Variants in ZBTB20 observed in about 807,000 individuals in gnomAD.
ZBTB20 encodes zinc finger and BTB domain containing 20.
In ZBTB20, 9 loss-of-function variants were observed where a neutral mutation model predicts 56.9. That is an observed-to-expected ratio of 0.16 (90% CI 0.10 to 0.28). The LOEUF (loss-of-function observed/expected upper bound fraction) is 0.28. Ranked by LOEUF, ZBTB20 falls within the 10% of genes least tolerant of loss-of-function variation. ZBTB20 has a pLI of 1.00. For synonymous variants in ZBTB20, 417 were observed against 420.7 expected (o/e 0.99, Z 0.11); for missense variants, 655 against 1,003.0 (o/e 0.65, Z 4.69).
chr3:114,505,589 C>T (rs1261240275), intron 6 of ZBTB20, among the ~76,000 whole-genome samples: 1 of 152,124 alleles, frequency 6.6e-6, no homozygotes, highest in African/African-American at 2.4e-5. Context: ...ACTACTCTGT[C>T]TAAAAGTTAG....
intron 3 of ZBTB20, among the ~76,000 whole-genome samples, chr3:114,961,209 T>A (rs1020088871): frequency 1.3e-5 from 2 of 151,816 alleles, no homozygotes; most frequent in African/African-American, 4.8e-5. Context: ...TACTCGTTTT[T>A]TTTTTTTAAC....
chr3:114,928,443 C>T (rs2107792423), intron 3 of ZBTB20, among the ~76,000 whole-genome samples: 1 of 151,906 alleles, frequency 6.6e-6, no homozygotes, highest in South Asian at 2.1e-4. Flanking sequence ...CCTCAAGGTT[C>T]TTCAATGATG....
At chr3:115,108,059 C>T (rs961446098) in intron 1 of ZBTB20, among the ~76,000 whole-genome samples, 8 of 151,382 alleles carry the variant, frequency 5.3e-5, no homozygotes, top group African/African-American at 1.5e-4. Context: ...ACCTAGATGA[C>T]GGGTTGATAG....
chr3:114,668,378 T>G (rs2061175423), intron 6 of ZBTB20, among the ~76,000 whole-genome samples: 1 of 152,004 alleles, frequency 6.6e-6, no homozygotes, highest in Admixed American at 6.6e-5. Flanking sequence ...GATTAGTGGG[T>G]TTCATACTGT....
chr3:115,034,862 G>T (rs886874800), intron 2 of ZBTB20, among the ~76,000 whole-genome samples: 3 of 151,900 alleles, frequency 2.0e-5, no homozygotes, highest in Non-Finnish European at 4.4e-5. Context: ...CACGGTACTG[G>T]CGTAAAGACA....
At chr3:114,411,983 G>A (rs1038676883) in intron 7 of ZBTB20, among the ~76,000 whole-genome samples, 4 of 152,098 alleles carry the variant, frequency 2.6e-5, no homozygotes, top group Non-Finnish European at 4.4e-5. Flanking sequence ...ATTAAAAGGC[G>A]AAGTCTGCAG....
intron 5 of ZBTB20, among the ~76,000 whole-genome samples, chr3:114,731,493 A>G (rs1250822100): frequency 1.3e-5 from 2 of 152,168 alleles, no homozygotes; most frequent in Admixed American, 6.5e-5. Context: ...GTCATCTGCA[A>G]ATCTAATGAA....
intron 3 of ZBTB20, among the ~76,000 whole-genome samples, chr3:114,932,205 C>A (rs1306450440): frequency 6.6e-6 from 1 of 152,192 alleles, no homozygotes; most frequent in Non-Finnish European, 1.5e-5. Flanking sequence ...GGTTATGGAT[C>A]ACCTGTAACC....
chr3:114,833,872 A>G (rs955599718), intron 4 of ZBTB20, among the ~76,000 whole-genome samples: 6 of 151,930 alleles, frequency 3.9e-5, no homozygotes, highest in African/African-American at 1.5e-4. Flanking sequence ...CATTTTGCAA[A>G]ATTTTAAAAA....
intron 1 of ZBTB20, among the ~76,000 whole-genome samples, chr3:115,125,392 T>C (rs758159607): frequency 1.5e-4 from 22 of 151,620 alleles, no homozygotes; most frequent in Admixed American, 6.6e-4. Flanking sequence ...AATGGAATAC[T>C]ATTCTGCATT....
intron 2 of ZBTB20, among the ~76,000 whole-genome samples, chr3:115,059,031 G>C (rs1295544676): frequency 2.6e-5 from 4 of 151,948 alleles, no homozygotes; most frequent in Admixed American, 2.0e-4. Context: ...GTTCCATTTA[G>C]TTCCCTTTTA....
intron 11 of ZBTB20, 128 bp downstream of exon 11, chr3:114,350,146 C>T: frequency 7.4e-7 from 1 of 1,355,350 alleles, no homozygotes; most frequent in Non-Finnish European, 1.0e-6. Flanking sequence ...CTAGAAGAGG[C>T]TTGTGGTGGG....
intron 5 of ZBTB20, among the ~76,000 whole-genome samples, chr3:114,762,725 C>T (rs1329694301): frequency 2.0e-5 from 3 of 152,114 alleles, no homozygotes; most frequent in Admixed American, 6.6e-5. Flanking sequence ...GAAGCCAGGG[C>T]GTTCTAGAAT....
chr3:114,684,259 T>C (rs1399962723), intron 6 of ZBTB20, among the ~76,000 whole-genome samples: 6 of 152,156 alleles, frequency 3.9e-5, no homozygotes. Context: ...AGGGAAGAAA[T>C]AGTTGAACGA....
intron 11 of ZBTB20, among the ~76,000 whole-genome samples, chr3:114,343,715 T>C (rs550885779): frequency 6.6e-6 from 1 of 152,240 alleles, no homozygotes; most frequent in African/African-American, 2.4e-5. Context: ...TTTTACTGGC[T>C]GCAGAGTCTA....
chr3:114,759,779 C>A (rs1341000905), intron 5 of ZBTB20, among the ~76,000 whole-genome samples: 2 of 152,036 alleles, frequency 1.3e-5, no homozygotes, highest in East Asian at 1.9e-4. Flanking sequence ...TATTGACTCC[C>A]AAATATATGC....
chr3:115,140,503 G>A (rs1576837715), intron 1 of ZBTB20, among the ~76,000 whole-genome samples: 1 of 151,930 alleles, frequency 6.6e-6, no homozygotes, highest in East Asian at 1.9e-4. Flanking sequence ...TCTAAAGGAA[G>A]CCTGAGATTT....
intron 7 of ZBTB20, among the ~76,000 whole-genome samples, chr3:114,498,745 G>A (rs1345785918): frequency 1.3e-5 from 2 of 152,196 alleles, no homozygotes; most frequent in African/African-American, 4.8e-5. Context: ...ACTGATGGCT[G>A]ATGTAGCATA....
chr3:114,355,508 G>T (rs1193071832), intron 10 of ZBTB20, among the ~76,000 whole-genome samples: 1 of 152,184 alleles, frequency 6.6e-6, no homozygotes, highest in Non-Finnish European at 1.5e-5. Flanking sequence ...ATTCAAGCAT[G>T]CCTCATTCCT....
Sources: allele counts gnomAD v4.1 joint callset (sites outside exome capture counted in the v4.1 genomes callset), GRCh38; gene constraint gnomAD v4.1.1; transcripts MANE v1.5; gene names NCBI Gene and HGNC (gene_info 2026-07-23, HGNC 2026-07-21).